GLIPR2: variants seen among roughly 807,000 people sequenced by gnomAD.
GLIPR2 encodes GLI pathogenesis related 2.
Under a neutral mutation model 20.4 loss-of-function variants are expected in GLIPR2, and 21 were observed. The ratio of observed to expected loss-of-function variants is 1.03; its 90% CI spans 0.73 to 1.48. The LOEUF (loss-of-function observed/expected upper bound fraction) is 1.48. GLIPR2 is among the 40% of genes most tolerant of loss of function. The probability of loss-of-function intolerance (pLI) is 0.00; values close to 1 mark genes in which losing one functional copy is unlikely to be tolerated. For synonymous variants in GLIPR2, 91 were observed against 80.5 expected, an observed-to-expected ratio of 1.13 and a Z score of -0.70; for missense variants, 205 against 200.1, an observed-to-expected ratio of 1.02 and a Z score of -0.15.
intron 4 of GLIPR2, among the ~76,000 whole-genome samples, chr9:36,159,035 A>C (rs1825950023): frequency 6.6e-6 from 1 of 152,204 alleles, no homozygotes; most frequent in African/African-American, 2.4e-5. Context: ...ACTGCACTCC[A>C]GCCTAGACAA....
chr9:36,151,875 C>T (rs1025089295), intron 4 of GLIPR2, among the ~76,000 whole-genome samples: 5 of 152,156 alleles, frequency 3.3e-5, no homozygotes, highest in African/African-American at 1.2e-4. Context: ...GTGGGAGTTT[C>T]TCTGACCAGA....
At chr9:36,149,664 G>A (rs1825496991) in intron 3 of GLIPR2, among the ~76,000 whole-genome samples, 1 of 152,220 alleles carries the variant, frequency 6.6e-6, no homozygotes, top group East Asian at 1.9e-4. Context: ...CAGAGAGGGG[G>A]TTGGGTAGGT....
At chr9:36,147,072 C>A (rs1247919914) in intron 1 of GLIPR2, among the ~76,000 whole-genome samples, 2 of 152,168 alleles carry the variant, frequency 1.3e-5, no homozygotes, top group East Asian at 1.9e-4. Context: ...GACTCACACA[C>A]CAGTCTCCTC....
chr9:36,155,931 T>C (rs1825809000), intron 4 of GLIPR2, among the ~76,000 whole-genome samples: 1 of 151,848 alleles, frequency 6.6e-6, no homozygotes, highest in African/African-American at 2.4e-5. Flanking sequence ...AAAACTAGGC[T>C]GGGCACGGCA....
intron 3 of GLIPR2, among the ~76,000 whole-genome samples, chr9:36,150,016 G>A (rs1463191232): frequency 1.1e-4 from 17 of 152,190 alleles, no homozygotes; most frequent in Admixed American, 6.5e-4. Context: ...CAACAAGAGC[G>A]AAACTCCGTC....
Position 36,136,815 on chromosome 9 carries a change from G to T in GLIPR2, c.13+24G>T. The T allele has an allele frequency of 7.7e-7, 1 of 1,297,096 alleles. No individual in the cohort carries two copies. 80.3% of individuals were successfully genotyped at this position (1,297,096 alleles called of 1,614,324 possible). Reference sequence around the variant, plus strand: ...AGGTGAGCCCGCGGGCTCGCCCGCTGCGGAATGGTTCGGAACCCCGCGCTC... The same window carrying T: ...AGGTGAGCCCGCGGGCTCGCCCGCTTCGGAATGGTTCGGAACCCCGCGCTC... On this transcript the variant is annotated intron_variant, in intron 1 of 4. Transcript: ENST00000377960. The surrounding 1 kb of genome is among the most constrained non-coding windows in gnomAD (Gnocchi z 4.3).
chr9:36,161,072 T>C (rs1241364525), intron 4 of GLIPR2, among the ~76,000 whole-genome samples: 1 of 151,864 alleles, frequency 6.6e-6, no homozygotes. Flanking sequence ...AGAAAATGAT[T>C]TTGAGGGGCC....
At chr9:36,154,249 A>T (rs1354322016) in intron 4 of GLIPR2, among the ~76,000 whole-genome samples, 1 of 151,920 alleles carries the variant, frequency 6.6e-6, no homozygotes, top group African/African-American at 2.4e-5. Flanking sequence ...TGATATGAAC[A>T]CTGAGAGCTA....
rs778896198 is a variant in GLIPR2, at chr9:36,150,858, T to C, written c.227-14T>C. 4 of 1,600,788 alleles carry C rather than the reference T, an allele frequency of 2.5e-6. No homozygotes were observed. Among genetic ancestry groups the C allele is most frequent in the East Asian group, 4.5e-5 (2 of 44,686 alleles). Reference sequence around the variant, plus strand: ...TTTGTGGCTGAGTTTTAGAACAATGTCATTTCCACACAGGAAAGGAGGTGG... The same window carrying C: ...TTTGTGGCTGAGTTTTAGAACAATGCCATTTCCACACAGGAAAGGAGGTGG... On this transcript the variant is annotated splice_polypyrimidine_tract_variant and intron_variant, in intron 3 of 4. Coordinates refer to ENST00000377960, the MANE Select transcript of GLIPR2 (RefSeq NM_022343.4).
intron 4 of GLIPR2, among the ~76,000 whole-genome samples, chr9:36,157,108 C>T (rs60066502): frequency 0.21 from 31,473 of 151,412 alleles, 3,406 homozygotes; most frequent in South Asian, 0.29. Flanking sequence ...CCTCTGCCTC[C>T]CGAGTTCAAG....
intron 2 of GLIPR2, 124 bp downstream of exon 2, chr9:36,148,018 C>A (rs536168996): frequency 7.2e-5 from 51 of 704,418 alleles, no homozygotes; most frequent in Non-Finnish European, 1.3e-4. Context: ...GAGGCCAAGG[C>A]GGGCGGATCA....
At chr9:36,139,730 C>T (rs1824989407) in intron 1 of GLIPR2, among the ~76,000 whole-genome samples, 1 of 152,122 alleles carries the variant, frequency 6.6e-6, no homozygotes, top group African/African-American at 2.4e-5. Flanking sequence ...GCATAACAGG[C>T]GTTATTGTAA....
In GLIPR2 at chr9:36,136,758, G is replaced by A. The variant is rs779464467; in HGVS notation, c.-21G>A. ...GCAGTGCAGCGCAGCCGCGGGGAGC[G>A]AGGAGCGCGCGGAGCCGGCCATGGG... is the stretch of plus-strand genomic sequence containing the variant. On this transcript the variant is annotated 5_prime_UTR_variant, in exon 1 of 5. Coordinates refer to ENST00000377960, the MANE Select transcript of GLIPR2 (RefSeq NM_022343.4). This position sits in a 1 kb window ranked among gnomAD's most constrained non-coding sequence, Gnocchi z 4.3. The A allele has an allele frequency of 2.2e-4, 286 of 1,286,876 alleles. No individual in the cohort carries two copies. In the African/African-American group the frequency reaches 4.1e-3, roughly 18 times the overall value. The allele number at this position is 1,286,876 out of a possible 1,614,324, so 79.7% of individuals were successfully genotyped here.
At chr9:36,160,336 T>C (rs1826001975) in intron 4 of GLIPR2, among the ~76,000 whole-genome samples, 1 of 152,126 alleles carries the variant, frequency 6.6e-6, no homozygotes, top group African/African-American at 2.4e-5. Context: ...CAAATACTTT[T>C]TGAAAAATGA....
At chr9:36,149,435 G>A (rs1825484759) in intron 3 of GLIPR2, among the ~76,000 whole-genome samples, 1 of 152,228 alleles carries the variant, frequency 6.6e-6, no homozygotes, top group Non-Finnish European at 1.5e-5. Context: ...CCCCCACTGG[G>A]AGGCATGTGT....
intron 4 of GLIPR2, among the ~76,000 whole-genome samples, chr9:36,153,122 C>CAAA (rs755775246): frequency 5.7e-5 from 5 of 88,426 alleles, no homozygotes; most frequent in South Asian, 3.7e-4. Flanking sequence ...GACTCTGTCT[C>CAAA]AAAAAAAAAA....
At chr9:36,161,510 A>T (rs1826051049) in intron 4 of GLIPR2, among the ~76,000 whole-genome samples, 1 of 152,004 alleles carries the variant, frequency 6.6e-6, no homozygotes, top group East Asian at 1.9e-4. Flanking sequence ...GAGGAAAAAA[A>T]AAAAAGGGCC....
intron 1 of GLIPR2, among the ~76,000 whole-genome samples, chr9:36,142,074 C>T (rs529248763): frequency 1.1e-3 from 162 of 152,288 alleles, no homozygotes; most frequent in Non-Finnish European, 1.6e-3. Flanking sequence ...TGATATCCCC[C>T]TGGGGTCCCT....
chr9:36,162,151 G>GC, intron 4 of GLIPR2: 1 of 1,242,742 alleles, frequency 8.0e-7, no homozygotes, highest in Non-Finnish European at 1.1e-6. Context: ...CTCCAGCCTG[G>GC]GTTACAGAGC....
Sources: gnomAD v4.1 joint callset for allele counts (sites outside exome capture counted in the v4.1 genomes callset) on GRCh38, gnomAD v4.1.1 for gene constraint, Gnocchi (gnomAD v3.1) non-coding constraint, MANE v1.5 for transcripts, NCBI Gene and HGNC (gene_info 2026-07-23, HGNC 2026-07-21) for gene names.